Variants in TSNAX observed in about 807,000 individuals in gnomAD.
TSNAX encodes the protein translin associated factor X.
Under a neutral mutation model 33.0 loss-of-function variants are expected in TSNAX, and 12 were observed. That is an observed-to-expected ratio of 0.36 (90% CI 0.23 to 0.59). The LOEUF is 0.59. Ranked by LOEUF, TSNAX falls within the 20% of genes least tolerant of loss-of-function variation. TSNAX has a pLI of 0.74. For synonymous variants in TSNAX, 110 were observed against 117.2 expected (o/e 0.94, Z 0.40); for missense variants, 267 against 341.3 (o/e 0.78, Z 1.72).
chr1:231,559,947 C>CT (rs1406832360), intron 4 of TSNAX, among the ~76,000 whole-genome samples: 3 of 150,724 alleles, frequency 2.0e-5, no homozygotes, highest in Non-Finnish European at 4.4e-5. Context: ...CCTATTAAAA[C>CT]TTTAAGAAAG....
At chr1:231,549,924 T>C (rs1660186650) in intron 4 of TSNAX, among the ~76,000 whole-genome samples, 2 of 152,208 alleles carry the variant, frequency 1.3e-5, no homozygotes, top group South Asian at 4.1e-4. Context: ...GCCTCAAGTC[T>C]GAGATCGAGG....
At chr1:231,540,354 C>CGA (rs1273678412) in intron 3 of TSNAX, among the ~76,000 whole-genome samples, 1 of 152,112 alleles carries the variant, frequency 6.6e-6, no homozygotes, top group East Asian at 1.9e-4. Context: ...GCCATTTCCT[C>CGA]TAAGTTTTGA....
chr1:231,540,984 A>G (rs1036598286), intron 3 of TSNAX, among the ~76,000 whole-genome samples: 4 of 151,916 alleles, frequency 2.6e-5, no homozygotes, highest in Non-Finnish European at 5.9e-5. Context: ...TTTTTAATCT[A>G]TTTGTGTTTA....
rs775405608 is a variant in TSNAX at position 231,529,331 on chromosome 1, A to G, written c.93A>G (p.Ser31=). Reference sequence around the variant, plus strand: ...GAAGAGAAGGGAAGGATGTTAATTCATCTTCACCCGTGATGTTGGCCTTTA... The same window carrying G: ...GAAGAGAAGGGAAGGATGTTAATTCGTCTTCACCCGTGATGTTGGCCTTTA... ...NQRREGKDVN[S]SSPVMLAFKS... The change falls in exon 2 of 6, where the codon TCA becomes TCG. Residue 31 remains serine, a synonymous_variant. Transcript: ENST00000366639. 1 of 1,614,210 alleles carries G rather than the reference A, an allele frequency of 6.2e-7. No individual in the cohort carries two copies. Among genetic ancestry groups the G allele is most frequent in the Non-Finnish European group, 8.5e-7 (1 of 1,180,024 alleles).
intron 4 of TSNAX, among the ~76,000 whole-genome samples, chr1:231,547,841 C>CTTTTTTT (rs35520639): frequency 3.2e-5 from 4 of 123,914 alleles, no homozygotes; most frequent in Non-Finnish European, 5.0e-5. Context: ...CCATTGCTTT[C>CTTTTTTT]TTTTTTTTTT....
At position 231,561,266 on chromosome 1, in the gene TSNAX, A is replaced by G. The variant is rs761674303; in HGVS notation, c.495+11A>G. 4 of 1,487,056 alleles carry G rather than the reference A, an allele frequency of 2.7e-6. No homozygotes were observed. The highest frequency in any genetic ancestry group is 3.7e-6 in the Non-Finnish European group (4 of 1,084,646). The allele number at this position is 1,487,056 out of a possible 1,614,324, so 92.1% of individuals were successfully genotyped here. The stretch of plus-strand genomic sequence containing the variant: ...AAAGAAAATAAAACTGTGAGAATTT[A>G]AAATTTATTTCACATTTGTTATATA... On this transcript the variant is annotated intron_variant, in intron 5 of 5. Coordinates refer to ENST00000366639, the MANE Select transcript of TSNAX (RefSeq NM_005999.3).
chr1:231,542,235 A>G (rs1225005749), intron 3 of TSNAX, among the ~76,000 whole-genome samples: 1 of 152,214 alleles, frequency 6.6e-6, no homozygotes, highest in Non-Finnish European at 1.5e-5. Flanking sequence ...ACATTTATCC[A>G]TATATCATAT....
chr1:231,530,710 CAAAA>C (rs59803472), intron 2 of TSNAX, among the ~76,000 whole-genome samples: 5 of 73,208 alleles, frequency 6.8e-5, no homozygotes, highest in African/African-American at 1.8e-4. Flanking sequence ...GGCTCCGTCT[CAAAA>C]AAAAAAAAAA....
intron 5 of TSNAX, 60 bp downstream of exon 5, chr1:231,561,315 C>A: frequency 7.7e-7 from 1 of 1,301,846 alleles, no homozygotes; most frequent in Non-Finnish European, 1.1e-6. Flanking sequence ...TATGACGATT[C>A]TAGTAGATTT....
intron 2 of TSNAX, chr1:231,536,216 G>A (rs1659161314): frequency 1.3e-5 from 2 of 152,214 alleles, no homozygotes; most frequent in South Asian, 4.1e-4. Flanking sequence ...AACTCATGTA[G>A]TGATTGTCTA....
intron 3 of TSNAX, among the ~76,000 whole-genome samples, chr1:231,538,954 C>A (rs1316932685): frequency 1.3e-5 from 2 of 150,466 alleles, no homozygotes; most frequent in South Asian, 2.1e-4. Flanking sequence ...AAAAAAGATA[C>A]TGAAGTATTC....
chr1:231,528,911 T>C (rs1658448946), intron 1 of TSNAX, 85 bp downstream of exon 1: 2 of 1,558,322 alleles, frequency 1.3e-6, no homozygotes, highest in East Asian at 2.3e-5. Flanking sequence ...CTTTTCACCC[T>C]TGAAGGATGC....
At chr1:231,560,023 A>C (rs1306283647) in intron 4 of TSNAX, among the ~76,000 whole-genome samples, 1 of 150,208 alleles carries the variant, frequency 6.7e-6, no homozygotes, top group Non-Finnish European at 1.5e-5. Flanking sequence ...TCTGCCGCCT[A>C]GGCCGCAGTG....
intron 4 of TSNAX, among the ~76,000 whole-genome samples, chr1:231,552,700 C>G (rs775111720): frequency 6.6e-6 from 1 of 152,188 alleles, no homozygotes; most frequent in African/African-American, 2.4e-5. Flanking sequence ...CATTTCATCA[C>G]GCTCAAAAGA....
intron 3 of TSNAX, among the ~76,000 whole-genome samples, chr1:231,540,996 AT>A (rs1266579151): frequency 6.6e-6 from 1 of 152,096 alleles, no homozygotes; most frequent in African/African-American, 2.4e-5. Context: ...TTGTGTTTAT[AT>A]TTAACATGGA....
At position 231,540,718 on chromosome 1, in the gene TSNAX, A is replaced by T. The variant is rs186466830; in HGVS notation, c.237-1763A>T. On this transcript the variant is annotated intron_variant, in intron 3 of 5. Transcript: ENST00000366639. ...CACTCGCTCTATCAGTTATTAAGAGAGAAAGAGGGTGACCTCTCTTGACGA... is the reference window on the plus strand; with the variant it reads ...CACTCGCTCTATCAGTTATTAAGAGTGAAAGAGGGTGACCTCTCTTGACGA... Among the ~76,000 whole-genome samples the T allele has an allele frequency of 5.6e-4, 86 of 152,316 alleles. 1 individual carries two copies. The East Asian group carries it at 0.016, about 28-fold the overall frequency.
chr1:231,531,940 T>C (rs1337582720), intron 2 of TSNAX, among the ~76,000 whole-genome samples: 2 of 151,932 alleles, frequency 1.3e-5, no homozygotes, highest in Non-Finnish European at 2.9e-5. Context: ...GCGCCTGTAG[T>C]ATGCTTATAG....
chr1:231,533,171 A>T (rs562219872), intron 2 of TSNAX, among the ~76,000 whole-genome samples: 1 of 145,370 alleles, frequency 6.9e-6, no homozygotes, highest in East Asian at 1.9e-4. Context: ...GGTTCAAGCA[A>T]TTCTCCTGCC....
At chr1:231,551,769 C>G (rs1216337927) in intron 4 of TSNAX, among the ~76,000 whole-genome samples, 14 of 137,250 alleles carry the variant, frequency 1.0e-4, no homozygotes, top group Non-Finnish European at 1.5e-4. Flanking sequence ...GTCTGTGCAA[C>G]TTAGCAAAAC....
Sources: allele counts gnomAD v4.1 joint callset (sites outside exome capture counted in the v4.1 genomes callset), GRCh38; gene constraint gnomAD v4.1.1; transcripts MANE v1.5; gene names NCBI Gene and HGNC (gene_info 2026-07-23, HGNC 2026-07-21).